Variants in TAF3 observed in about 807,000 individuals in gnomAD.
The protein encoded by TAF3 is TATA-box binding protein associated factor 3.
TAF3 carries 7 observed loss-of-function variants against 80.6 expected under a neutral mutation model. That is an observed-to-expected ratio of 0.09 (90% CI 0.05 to 0.16). TAF3 has a LOEUF of 0.16. TAF3 is among the 10% of genes least tolerant of loss of function. The pLI is 1.00. For missense variants in TAF3, 921 were observed against 1,140.2 expected (o/e 0.81, Z 2.77); for synonymous variants, 444 against 446.1 (o/e 1.00, Z 0.06).
At chr10:7,893,464 G>A (rs757822583) in intron 2 of TAF3, among the ~76,000 whole-genome samples, 3 of 152,178 alleles carry the variant, frequency 2.0e-5, no homozygotes, top group South Asian at 2.1e-4. Context: ...TGTCTACGTC[G>A]TGACCCATCA....
At chr10:7,902,165 T>C (rs1018969681) in intron 2 of TAF3, among the ~76,000 whole-genome samples, 4 of 152,330 alleles carry the variant, frequency 2.6e-5, no homozygotes, top group Admixed American at 2.6e-4. Flanking sequence ...TTTGGACATA[T>C]CCAATCCCAG....
At chr10:7,842,080 T>A (rs1836920207) in intron 2 of TAF3, among the ~76,000 whole-genome samples, 2 of 151,884 alleles carry the variant, frequency 1.3e-5, no homozygotes, top group Non-Finnish European at 2.9e-5. Context: ...CTATCGTTCA[T>A]TGAGTTGCGT....
intron 2 of TAF3, among the ~76,000 whole-genome samples, chr10:7,905,709 G>A (rs1261326345): frequency 2.0e-5 from 3 of 152,044 alleles, no homozygotes; most frequent in Admixed American, 6.5e-5. Flanking sequence ...GTGAAACCCC[G>A]TCTCTACTAA....
At chr10:7,880,214 G>A (rs1300422428) in intron 2 of TAF3, among the ~76,000 whole-genome samples, 1 of 152,060 alleles carries the variant, frequency 6.6e-6, no homozygotes, top group Admixed American at 6.5e-5. Flanking sequence ...CTCCAGCCTG[G>A]GTGACAGAGT....
intron 2 of TAF3, among the ~76,000 whole-genome samples, chr10:7,871,010 A>G (rs1837260132): frequency 6.6e-6 from 1 of 152,188 alleles, no homozygotes. Flanking sequence ...ATTTTTGTAT[A>G]AGGAAAGACA....
chr10:7,843,020 C>T (rs1758653), intron 2 of TAF3, among the ~76,000 whole-genome samples: 27,328 of 152,152 alleles, frequency 0.18, 2,541 homozygotes, highest in South Asian at 0.26. Flanking sequence ...CCTGCTAGGG[C>T]GTAGTCTGTG....
At chr10:7,971,083 C>T (rs1281344775) in intron 3 of TAF3, among the ~76,000 whole-genome samples, 2 of 152,164 alleles carry the variant, frequency 1.3e-5, no homozygotes, top group South Asian at 2.1e-4. Context: ...CCAAGGCCAG[C>T]TCCCAGCCTT....
chr10:7,853,908 A>C (rs1311109155), intron 2 of TAF3, among the ~76,000 whole-genome samples: 1 of 152,254 alleles, frequency 6.6e-6, no homozygotes, highest in Non-Finnish European at 1.5e-5. Flanking sequence ...AGTTTTGGAA[A>C]TATCAATAAA....
chr10:7,818,656 G>T lies in TAF3; in HGVS notation c.-54G>T. 1.3e-6 allele frequency: 2 copies of T among 1,573,310 alleles called. No homozygotes were observed. Among genetic ancestry groups the T allele is most frequent in the Non-Finnish European group, 1.7e-6 (2 of 1,164,154 alleles). On this transcript the variant is annotated 5_prime_UTR_variant, in exon 1 of 7. Transcript: ENST00000344293. Reference sequence around the variant, plus strand: ...ATCGGGGACCCTGCTAAGGTCTGGCGGCGGGGCTGGAGAGCAGTGGCAGCA... The same window carrying T: ...ATCGGGGACCCTGCTAAGGTCTGGCTGCGGGGCTGGAGAGCAGTGGCAGCA...
intron 2 of TAF3, among the ~76,000 whole-genome samples, chr10:7,882,265 T>C (rs1234315430): frequency 6.6e-6 from 1 of 152,214 alleles, no homozygotes; most frequent in African/African-American, 2.4e-5. Flanking sequence ...TTGGAAGTTT[T>C]GGTCAATCTA....
chr10:7,854,535 A>G (rs1196324538), intron 2 of TAF3, among the ~76,000 whole-genome samples: 1 of 152,110 alleles, frequency 6.6e-6, no homozygotes, highest in Non-Finnish European at 1.5e-5. Context: ...GAATGGGGAA[A>G]GACTTCTGTG....
At position 8,009,357 on chromosome 10, in the gene TAF3, G is replaced by A. The variant is rs539641916; in HGVS notation, c.2568+27G>A. ...TGCGTACCTGCCGCCCGCGCGGTTA[G>A]CATGGAGACGTTTTCAGATCGAGAC... is the stretch of plus-strand genomic sequence containing the variant. On this transcript the variant is annotated intron_variant, in intron 5 of 6. Coordinates refer to ENST00000344293, the MANE Select transcript of TAF3 (RefSeq NM_031923.4). This position sits in a 1 kb window ranked among gnomAD's most constrained non-coding sequence, Gnocchi z 4.1. The A allele has an allele frequency of 6.3e-7, 1 of 1,579,276 alleles. No homozygotes were observed. The highest frequency in any genetic ancestry group is 1.4e-5 in the African/African-American group (1 of 72,342).
At chr10:7,917,587 TG>T (rs1383822551) in intron 2 of TAF3, among the ~76,000 whole-genome samples, 1 of 152,174 alleles carries the variant, frequency 6.6e-6, no homozygotes, top group Non-Finnish European at 1.5e-5. Context: ...GGATGCAGCA[TG>T]GTCTAATTTC....
chr10:7,920,956 G>C (rs1349357160), intron 2 of TAF3, among the ~76,000 whole-genome samples: 1 of 152,124 alleles, frequency 6.6e-6, no homozygotes, highest in Non-Finnish European at 1.5e-5. Flanking sequence ...ACATTTTCTT[G>C]AGGTGGTTAG....
intron 2 of TAF3, among the ~76,000 whole-genome samples, chr10:7,898,753 C>T (rs1370407630): frequency 6.6e-6 from 1 of 151,954 alleles, no homozygotes; most frequent in Non-Finnish European, 1.5e-5. Context: ...TTTCCTTTCA[C>T]TCTGAGAATA....
chr10:7,943,182 CTGCCTTTGCCGT>C (rs1171737564), intron 2 of TAF3, among the ~76,000 whole-genome samples: 1 of 152,238 alleles, frequency 6.6e-6, no homozygotes, highest in Non-Finnish European at 1.5e-5. Context: ...GCCTCCAGCG[CTGCCTTTGCCGT>C]TGCCTTGAAT....
At chr10:7,822,021 A>G (rs1270881001) in intron 1 of TAF3, among the ~76,000 whole-genome samples, 1 of 152,216 alleles carries the variant, frequency 6.6e-6, no homozygotes, top group African/African-American at 2.4e-5. Context: ...ACAGAGTGAG[A>G]TCAGGTTATG....
intron 2 of TAF3, among the ~76,000 whole-genome samples, chr10:7,892,732 C>CT (rs774059395): frequency 6.6e-6 from 1 of 151,920 alleles, no homozygotes; most frequent in South Asian, 2.1e-4. Context: ...GTCAGTTAGT[C>CT]TATCTATCCA....
At chr10:7,949,489 C>T (rs11255455) in intron 2 of TAF3, among the ~76,000 whole-genome samples, 1 of 152,070 alleles carries the variant, frequency 6.6e-6, no homozygotes, top group Non-Finnish European at 1.5e-5. Flanking sequence ...CCCTTTGCAT[C>T]GCATTATGTA....
Sources: gnomAD v4.1 joint callset for allele counts (sites outside exome capture counted in the v4.1 genomes callset) on GRCh38, gnomAD v4.1.1 for gene constraint, Gnocchi (gnomAD v3.1) non-coding constraint, MANE v1.5 for transcripts, NCBI Gene and HGNC (gene_info 2026-07-23, HGNC 2026-07-21) for gene names.